Variants in SUPT3H observed in about 807,000 individuals in gnomAD.
SUPT3H encodes the protein transcription initiation protein SPT3 homolog.
A neutral mutation model predicts 44.3 loss-of-function variants in SUPT3H; 44 were observed. The observed-to-expected ratio is 0.99, with a 90% CI of 0.78 to 1.28. The LOEUF is 1.28. Among genes scored for constraint, SUPT3H ranks in the 50% most tolerant of loss-of-function variants. SUPT3H has a pLI of 0.00. For synonymous variants in SUPT3H, 124 were observed against 125.6 expected, an observed-to-expected ratio of 0.99 and a Z score of 0.09; for missense variants, 380 against 387.1, an observed-to-expected ratio of 0.98 and a Z score of 0.15.
At chr6:45,330,902 T>C (rs1486446135) in intron 2 of SUPT3H, among the ~76,000 whole-genome samples, 1 of 151,976 alleles carries the variant, frequency 6.6e-6, no homozygotes, top group Non-Finnish European at 1.5e-5. Context: ...ATTGCAAACA[T>C]TTCCCCATTC....
At chr6:44,864,474 G>A (rs1470315120) in intron 10 of SUPT3H, among the ~76,000 whole-genome samples, 1 of 152,170 alleles carries the variant, frequency 6.6e-6, no homozygotes, top group Admixed American at 6.5e-5. Flanking sequence ...TTCTCCATGA[G>A]AGCCCCACCC....
intron 10 of SUPT3H, among the ~76,000 whole-genome samples, chr6:44,866,539 CAT>C (rs1775541304): frequency 1.4e-5 from 2 of 144,656 alleles, no homozygotes; most frequent in African/African-American, 5.1e-5. Flanking sequence ...AAAAAAAAAA[CAT>C]AAAGCTTTAC....
intron 3 of SUPT3H, among the ~76,000 whole-genome samples, chr6:45,033,176 G>C (rs954551241): frequency 1.3e-5 from 2 of 152,110 alleles, no homozygotes; most frequent in African/African-American, 4.8e-5. Flanking sequence ...CTGAAATATA[G>C]TAACAGCCCA....
intron 2 of SUPT3H, among the ~76,000 whole-genome samples, chr6:45,153,147 T>C (rs1421632965): frequency 6.6e-6 from 1 of 152,180 alleles, no homozygotes; most frequent in Non-Finnish European, 1.5e-5. Context: ...TCAGCTTCTA[T>C]CATATTCCAT....
chr6:45,344,150 G>A (rs1790380611), intron 2 of SUPT3H, among the ~76,000 whole-genome samples: 1 of 152,156 alleles, frequency 6.6e-6, no homozygotes, highest in East Asian at 1.9e-4. Context: ...ATATGACAAA[G>A]AGAAAGAACA....
At chr6:44,979,549 G>A (rs547946633) in intron 6 of SUPT3H, among the ~76,000 whole-genome samples, 1 of 152,040 alleles carries the variant, frequency 6.6e-6, no homozygotes. Context: ...GTGTGGGGGG[G>A]GGAAATCAAT....
chr6:44,888,779 G>A lies in SUPT3H; in HGVS notation c.912+43874C>T, dbSNP rs559173320. 2.2e-4 allele frequency among the ~76,000 whole-genome samples: 34 copies of A among 152,156 alleles called. No homozygotes were observed. The Middle Eastern group carries it at 0.01, about 46-fold the overall frequency. On this transcript the variant is annotated intron_variant, in intron 10 of 10. Transcript: ENST00000371459. Reference sequence around the variant, plus strand: ...AGTTCTGGCCAGGGCATTTGGGCAGGAGAAGGAAATAAAGGGTATTCAATT... The same window carrying A: ...AGTTCTGGCCAGGGCATTTGGGCAGAAGAAGGAAATAAAGGGTATTCAATT...
chr6:44,891,588 T>A (rs549815921), intron 10 of SUPT3H, among the ~76,000 whole-genome samples: 7 of 151,984 alleles, frequency 4.6e-5, no homozygotes, highest in Admixed American at 4.6e-4. Context: ...CTATTAGGGA[T>A]TGGGGTTGGG....
At chr6:45,106,684 G>A (rs1414352496) in intron 2 of SUPT3H, among the ~76,000 whole-genome samples, 3 of 151,886 alleles carry the variant, frequency 2.0e-5, no homozygotes, top group Non-Finnish European at 4.4e-5. Flanking sequence ...CTACAGGCGC[G>A]TGCCACCACA....
intron 6 of SUPT3H, among the ~76,000 whole-genome samples, chr6:44,987,259 T>C (rs1279041028): frequency 3.9e-5 from 5 of 128,962 alleles, no homozygotes; most frequent in African/African-American, 1.4e-4. Context: ...ACACTGGGCA[T>C]TGGGAGTCAG....
chr6:45,127,780 AGGT>A (rs1403668271), intron 2 of SUPT3H, among the ~76,000 whole-genome samples: 1 of 152,062 alleles, frequency 6.6e-6, no homozygotes, highest in Non-Finnish European at 1.5e-5. Context: ...TATCTTCTTA[AGGT>A]AGAGGAAATA....
At chr6:45,217,146 A>G (rs921397188) in intron 2 of SUPT3H, among the ~76,000 whole-genome samples, 2 of 152,180 alleles carry the variant, frequency 1.3e-5, no homozygotes, top group Admixed American at 1.3e-4. Flanking sequence ...ATGTAAAGAG[A>G]CCTAAATAAA....
chr6:45,333,809 A>C (rs1230049690), intron 2 of SUPT3H, among the ~76,000 whole-genome samples: 3 of 151,272 alleles, frequency 2.0e-5, no homozygotes, highest in African/African-American at 7.3e-5. Flanking sequence ...TATTCTTGTT[A>C]ATACTCATAA....
At chr6:45,011,551 G>A (rs562981196) in intron 5 of SUPT3H, among the ~76,000 whole-genome samples, 2 of 151,582 alleles carry the variant, frequency 1.3e-5, no homozygotes, top group Non-Finnish European at 2.9e-5. Context: ...TACCTCATTC[G>A]TGTCATTACT....
chr6:45,208,868 CTCATGAGGCTGATGACTTACCCTCTTG>C (rs1763630564), intron 2 of SUPT3H, among the ~76,000 whole-genome samples: 2 of 24,668 alleles, frequency 8.1e-5, no homozygotes, highest in Non-Finnish European at 1.4e-4. Context: ...TTGTTAGGGG[CTCATGAGGCTGATGACTTACCCTCTTG>C]TTAGGGGCTC....
chr6:45,075,200 T>C lies in SUPT3H; in HGVS notation c.186+30722A>G, dbSNP rs527682236. Among the ~76,000 whole-genome samples, 82 of 152,226 alleles carry C rather than the reference T, an allele frequency of 5.4e-4. 1 individual carries two copies. The South Asian group carries it at 0.017, about 31-fold the overall frequency. On this transcript the variant is annotated intron_variant, in intron 3 of 10. Transcript: ENST00000371459. ...ACTATAATTATAGTATTTTGAAAAT[T>C]ATTCGTTTGCCATCAGTTACTTTCC...
At chr6:45,258,177 AAG>A (rs1448212526) in intron 2 of SUPT3H, among the ~76,000 whole-genome samples, 5 of 152,242 alleles carry the variant, frequency 3.3e-5, no homozygotes, top group African/African-American at 1.2e-4. Flanking sequence ...CAACTCCAAG[AAG>A]AGTTTTTATA....
intron 4 of SUPT3H, among the ~76,000 whole-genome samples, chr6:45,020,303 A>G (rs111608731): frequency 4.5e-4 from 68 of 152,128 alleles, no homozygotes; most frequent in African/African-American, 1.6e-3. Flanking sequence ...GTGTCTGCAT[A>G]GACGCATAAG....
chr6:45,110,608 A>C (rs1279145939), intron 2 of SUPT3H, among the ~76,000 whole-genome samples: 1 of 152,034 alleles, frequency 6.6e-6, no homozygotes, highest in Non-Finnish European at 1.5e-5. Context: ...AAAATGAAGG[A>C]GCTTTACTAT....
Sources: allele counts gnomAD v4.1 joint callset (sites outside exome capture counted in the v4.1 genomes callset), GRCh38; gene constraint gnomAD v4.1.1; transcripts MANE v1.5; gene names NCBI Gene and HGNC (gene_info 2026-07-23, HGNC 2026-07-21).